Variants in SPEG observed in about 807,000 individuals in gnomAD.
The protein encoded by SPEG is striated muscle preferentially expressed protein kinase.
SPEG carries 114 observed loss-of-function variants against 300.4 expected under a neutral mutation model. That is an observed-to-expected ratio of 0.38 (90% CI 0.33 to 0.44). The LOEUF (loss-of-function observed/expected upper bound fraction) is 0.44, where lower values mean the gene tolerates loss of function less well. Ranked by LOEUF, SPEG falls within the 20% of genes least tolerant of loss-of-function variation. The pLI is 1.00. For synonymous variants in SPEG, 1,964 were observed against 2,018.9 expected, an observed-to-expected ratio of 0.97 and a Z score of 0.73; for missense variants, 4,201 against 4,586.2, an observed-to-expected ratio of 0.92 and a Z score of 2.43.
At chr2:219,482,044 T>C (rs1692897530) in intron 28 of SPEG, 1 of 333,302 alleles carries the variant, frequency 3.0e-6, no homozygotes, top group East Asian at 5.5e-5. Context: ...CACAATAGCG[T>C]TGGGGGTGAC....
Position 219,448,117 on chromosome 2 carries a change from C to G in SPEG, c.959C>G (p.Ser320Cys). 6.2e-7 allele frequency: 1 copy of G among 1,603,028 alleles called. No homozygotes were observed. The highest frequency in any genetic ancestry group is 8.5e-7 in the Non-Finnish European group (1 of 1,175,004). Residue 320 changes from serine to cysteine, a missense_variant, in exon 4 of 41, where the codon TCC (serine) becomes TGC (cysteine). Coordinates refer to ENST00000312358, the MANE Select transcript of SPEG (RefSeq NM_005876.5). ...CCGTCCCCTCGGGTCGGGAAGCGGT[C>G]CCCGCCGGGACCCCCGGCCCAGCCC... ...PPPSPRVGKRSPPGPPAQPAA... is the reference protein window; with the variant it reads ...PPPSPRVGKRCPPGPPAQPAA...
chr2:219,481,269 C>T lies in SPEG; in HGVS notation c.5370-35C>T. The T allele has an allele frequency of 2.5e-6, 4 of 1,607,898 alleles. No homozygotes were observed. Among genetic ancestry groups the T allele is most frequent in the Non-Finnish European group, 3.4e-6 (4 of 1,176,204 alleles). ...CCACTGACATTCCCCTTTGTCCCCGCCTGCCCCTCATGACAGCCCTCTTCA... is the reference window on the plus strand; with the variant it reads ...CCACTGACATTCCCCTTTGTCCCCGTCTGCCCCTCATGACAGCCCTCTTCA... On this transcript the variant is annotated intron_variant, in intron 26 of 40. Coordinates refer to ENST00000312358, the MANE Select transcript of SPEG (RefSeq NM_005876.5). The surrounding 1 kb of genome is among the most constrained non-coding windows in gnomAD (Gnocchi z 5.4).
At position 219,448,778 on chromosome 2, in the gene SPEG, C is replaced by G. The variant is rs561887937; in HGVS notation, c.1620C>G (p.Ser540=). 1.3e-3 allele frequency: 1,801 copies of G among 1,434,940 alleles called. 24 individuals carry two copies. The highest frequency in any genetic ancestry group is 9.4e-3 in the East Asian group (318 of 33,844). 88.9% of individuals were successfully genotyped at this position (1,434,940 alleles called of 1,614,324 possible). A position where few individuals can be genotyped will look rare whatever the true frequency, so the allele number is the denominator to read the frequency against. ...AGCCCCCGCTCTTCTCTCGGCCCTC[C>G]ACCCCCAAGACATCGCGGGCCGTGA... ...PGEPPLFSRP[S]TPKTSRAVSP... The change falls in exon 4 of 41, where the codon TCC becomes TCG. Residue 540 remains serine (S), a synonymous_variant. Coordinates refer to ENST00000312358, the MANE Select transcript of SPEG (RefSeq NM_005876.5).
Position 219,490,523 on chromosome 2 carries a change from G to C in SPEG, c.9036G>C (p.Glu3012Asp). The change falls in exon 37 of 41, where the codon GAG becomes GAC. Residue 3012 changes from glutamate to aspartate, a missense_variant. Coordinates refer to ENST00000312358, the MANE Select transcript of SPEG (RefSeq NM_005876.5). ...AGCGGCGGGTCCTGCAGGAGTACGA[G>C]GTGCTGCGGACCCTGCACCACGAGC... ...EGKRRVLQEY[E>D]VLRTLHHERI... 1 of 1,612,918 alleles carries C rather than the reference G, an allele frequency of 6.2e-7. No homozygotes were observed. The highest frequency in any genetic ancestry group is 1.1e-5 in the South Asian group (1 of 91,080).
chr2:219,488,292 C>T lies in SPEG; in HGVS notation c.7840C>T (p.His2614Tyr). 1 of 1,610,724 alleles carries T rather than the reference C, an allele frequency of 6.2e-7. No homozygotes were observed. The highest frequency in any genetic ancestry group is 8.5e-7 in the Non-Finnish European group (1 of 1,178,232). Residue 2614 changes from histidine (H) to tyrosine (Y), a missense_variant, in exon 32 of 41, where the codon CAC becomes TAC. Physicochemically the swap from His to Tyr is moderately conservative, Grantham distance 83. This residue lies in a region of SPEG where 1,578 missense variants were observed against 1,506.0 expected (regional missense o/e 1.05). Coordinates refer to ENST00000312358, the MANE Select transcript of SPEG (RefSeq NM_005876.5). The part of the protein sequence containing the change: ...LCLPAACPAP[H>Y]ISWMKDKKSL... ...CCTGCCAGCGGCCTGCCCTGCACCG[C>T]ACATCTCCTGGATGAAAGGTAAGGA...
chr2:219,482,448 G>C (rs1007331094), intron 28 of SPEG: 2 of 269,176 alleles, frequency 7.4e-6, no homozygotes, highest in South Asian at 8.8e-5. Flanking sequence ...GCCAGGACCC[G>C]GGTAAAGGGC....
At chr2:219,489,008 G>A (rs1693712355) in intron 34 of SPEG, 46 bp from the exon 35 acceptor site, 1 of 1,608,922 alleles carries the variant, frequency 6.2e-7, no homozygotes, top group Non-Finnish European at 8.5e-7. Flanking sequence ...TGGGAGCTGG[G>A]GCCACCGCTT....
intron 15 of SPEG, 130 bp from the exon 16 acceptor site, chr2:219,472,760 G>C (rs1269735967): frequency 1.2e-5 from 9 of 726,928 alleles, no homozygotes; most frequent in African/African-American, 1.8e-5. Context: ...GGACAGGCAG[G>C]AAGCAACAGC....
Position 219,489,760 on chromosome 2 carries a change from G to A in SPEG, c.8742G>A (p.Glu2914=). 6.2e-7 allele frequency: 1 copy of A among 1,613,478 alleles called. No individual in the cohort carries two copies. Among genetic ancestry groups the A allele is most frequent in the Non-Finnish European group, 8.5e-7 (1 of 1,179,758 alleles). ...TSFVSAPPAP[E]PPAPEPPPEP... Reference sequence around the variant, plus strand: ...TTGTGTCTGCACCACCAGCCCCTGAGCCCCCAGCCCCTGAGCCCCCTCCTG... The same window carrying A: ...TTGTGTCTGCACCACCAGCCCCTGAACCCCCAGCCCCTGAGCCCCCTCCTG... The change falls in exon 36 of 41, where the codon GAG becomes GAA. Residue 2914 remains glutamate, a synonymous_variant. Transcript: ENST00000312358.
At chr2:219,467,054 G>C in intron 9 of SPEG, 120 bp from the exon 10 acceptor site, 1 of 1,329,614 alleles carries the variant, frequency 7.5e-7, no homozygotes, top group South Asian at 1.5e-5. Flanking sequence ...CCCATCTCCA[G>C]AGAACAAAAT....
chr2:219,468,606 C>G lies in SPEG; in HGVS notation c.3171C>G (p.Thr1057=). Reference sequence around the variant, plus strand: ...AGCTGACCTGCAGTGCCCGGCTGACCGTGCGGCCCTCGTTGGCACCCCTGT... The same window carrying G: ...AGCTGACCTGCAGTGCCCGGCTGACGGTGCGGCCCTCGTTGGCACCCCTGT... ...KDELTCSARL[T]VRPSLAPLFT... The change falls in exon 11 of 41, where the codon ACC becomes ACG. Residue 1057 remains threonine, a synonymous_variant. Coordinates refer to ENST00000312358, the MANE Select transcript of SPEG (RefSeq NM_005876.5). 1.2e-6 allele frequency: 2 copies of G among 1,613,562 alleles called. No individual in the cohort carries two copies. Among genetic ancestry groups the G allele is most frequent in the Non-Finnish European group, 1.7e-6 (2 of 1,179,990 alleles).
chr2:219,485,409 T>G lies in SPEG; in HGVS notation c.7673T>G (p.Leu2558Ter). The change falls in exon 31 of 41, where the codon TTA becomes TGA. Residue 2558 changes from leucine to a stop codon, truncating the protein, a stop_gained. Transcript: ENST00000312358. LOFTEE classifies it high-confidence loss of function. The part of the protein sequence containing the change: ...GFSRPRKDKG[L>*]SPPNLSASVQ... The stretch of plus-strand genomic sequence containing the variant: ...TCTCGGCCGCGGAAGGACAAGGGGT[T>G]ATCGCCACCAAACCTCTCTGCCAGC... 1 of 1,607,858 alleles carries G rather than the reference T, an allele frequency of 6.2e-7. No homozygotes were observed. Among genetic ancestry groups the G allele is most frequent in the Non-Finnish European group, 8.5e-7 (1 of 1,177,000 alleles).
intron 1 of SPEG, among the ~76,000 whole-genome samples, chr2:219,440,267 G>T (rs896605253): frequency 6.6e-6 from 1 of 151,814 alleles, no homozygotes; most frequent in African/African-American, 2.4e-5. Flanking sequence ...TGCACCTGTA[G>T]TCTCAGGTAC....
chr2:219,477,170 C>T lies in SPEG; in HGVS notation c.4561-107C>T. ...CTGTGGGAGATAAGGGAGGAGCTGA[C>T]TCTGGGTCCTGGTGAGAGATGCGCT... is the stretch of plus-strand genomic sequence containing the variant. On this transcript the variant is annotated intron_variant, in intron 19 of 40. Coordinates refer to ENST00000312358, the MANE Select transcript of SPEG (RefSeq NM_005876.5). This position sits in a 1 kb window ranked among gnomAD's most constrained non-coding sequence, Gnocchi z 6.4. The T allele has an allele frequency of 3.9e-6, 4 of 1,033,588 alleles. No homozygotes were observed. The Admixed American group carries it at 1.1e-4, about 27-fold the overall frequency. 64.0% of individuals were successfully genotyped at this position (1,033,588 alleles called of 1,614,324 possible). A position where few individuals can be genotyped will look rare whatever the true frequency, so the allele number is the denominator to read the frequency against.
intron 1 of SPEG, chr2:219,442,077 T>C (rs921203118): frequency 1.0e-5 from 12 of 1,180,518 alleles, no homozygotes; most frequent in Middle Eastern, 3.5e-4. Flanking sequence ...TGAAGAAGCG[T>C]TTCCAGGTGA....
intron 6 of SPEG, 39 bp from the exon 7 acceptor site, chr2:219,461,843 T>C (rs1690729231): frequency 6.3e-7 from 1 of 1,597,838 alleles, no homozygotes; most frequent in Non-Finnish European, 8.6e-7. Context: ...GGCTCTCTGC[T>C]CGCCTTCCTC....
Position 219,435,369 on chromosome 2 carries a change from A to T in SPEG, c.388+4A>T. The stretch of plus-strand genomic sequence containing the variant: ...CTCACAGTGCTGGAGGTCGGAGGTA[A>T]AGGGCAGGTGGGGGCCGCGCCCGGC... On this transcript the variant is annotated splice_donor_region_variant and intron_variant, in intron 1 of 40. Transcript: ENST00000312358. The T allele has an allele frequency of 1.3e-6, 2 of 1,533,476 alleles. No homozygotes were observed. Among genetic ancestry groups the T allele is most frequent in the Non-Finnish European group, 1.7e-6 (2 of 1,147,504 alleles). The allele number at this position is 1,533,476 out of a possible 1,614,324, so 95.0% of individuals were successfully genotyped here. A position where few individuals can be genotyped will look rare whatever the true frequency, so the allele number is the denominator to read the frequency against.
At chr2:219,461,025 C>G in intron 6 of SPEG, 1 of 418,202 alleles carries the variant, frequency 2.4e-6, no homozygotes, top group Non-Finnish European at 3.2e-6. Context: ...CTGCTGGGGG[C>G]TTGGGGTGGG....
rs1327954697 is a variant in SPEG, at chr2:219,445,994, T to G, written c.815+833T>G. Among the ~76,000 whole-genome samples the G allele has an allele frequency of 6.9e-6, 1 of 144,488 alleles. No individual in the cohort carries two copies. Among genetic ancestry groups the G allele is most frequent in the African/African-American group, 2.6e-5 (1 of 38,434 alleles). The allele number at this position is 144,488 out of a possible 152,430, so 94.8% of individuals were successfully genotyped here. The stretch of plus-strand genomic sequence containing the variant: ...TGCTATAGTGGAAGAGGGGAGTGGC[T>G]GAGAATAGAGGGACTAGGGCATTTG... On this transcript the variant is annotated intron_variant, in intron 3 of 40. Coordinates refer to ENST00000312358, the MANE Select transcript of SPEG (RefSeq NM_005876.5). The surrounding 1 kb of genome is among the most constrained non-coding windows in gnomAD (Gnocchi z 6.1).
Sources: gnomAD v4.1 joint callset for allele counts (sites outside exome capture counted in the v4.1 genomes callset) on GRCh38, gnomAD v4.1.1 for gene constraint, gnomAD v4.1.1 regional missense constraint, Gnocchi (gnomAD v3.1) non-coding constraint, MANE v1.5 for transcripts, NCBI Gene and HGNC (gene_info 2026-07-23, HGNC 2026-07-21) for gene names.